The following EIF2B3 variants were observed in gnomAD, a reference collection of about 807,000 sequenced individuals.
EIF2B3 encodes eukaryotic translation initiation factor 2B subunit gamma.
In EIF2B3, 20 loss-of-function variants were observed where a neutral mutation model predicts 54.1. The ratio of observed to expected loss-of-function variants is 0.37; its 90% CI spans 0.26 to 0.54. The LOEUF (loss-of-function observed/expected upper bound fraction) is 0.54. Ranked by LOEUF, EIF2B3 falls within the 20% of genes least tolerant of loss-of-function variation. The pLI, the probability that EIF2B3 is intolerant of heterozygous loss-of-function variation, is 0.86. For missense variants in EIF2B3, 448 were observed against 547.8 expected (o/e 0.82, Z 1.82); for synonymous variants, 153 against 188.1 (o/e 0.81, Z 1.52).
intron 3 of EIF2B3, among the ~76,000 whole-genome samples, chr1:44,955,145 C>T (rs900650756): frequency 3.9e-4 from 59 of 152,120 alleles, no homozygotes; most frequent in African/African-American, 1.3e-3. Flanking sequence ...GTAACCAAAA[C>T]GGCATGGTAC....
intron 3 of EIF2B3, chr1:44,959,095 CT>C: frequency 1.3e-6 from 1 of 770,986 alleles, no homozygotes. Flanking sequence ...CTATGATAGC[CT>C]TAGGCTACGT....
At chr1:44,947,750 C>A (rs114460276) in intron 3 of EIF2B3, among the ~76,000 whole-genome samples, 1,623 of 152,284 alleles carry the variant, frequency 0.011, 33 homozygotes, top group African/African-American at 0.037. Flanking sequence ...CTGCATGCCA[C>A]CCCTGCCCAT....
chr1:44,951,528 C>G (rs1644160519), intron 3 of EIF2B3, among the ~76,000 whole-genome samples: 1 of 152,182 alleles, frequency 6.6e-6, no homozygotes, highest in African/African-American at 2.4e-5. Flanking sequence ...CCTTACTACT[C>G]TCATCCCTTG....
intron 6 of EIF2B3, among the ~76,000 whole-genome samples, chr1:44,895,185 A>G (rs1034647342): frequency 1.3e-5 from 2 of 152,204 alleles, no homozygotes; most frequent in African/African-American, 4.8e-5. Context: ...GAGGCTCTGT[A>G]TCATTCTCTA....
intron 5 of EIF2B3, among the ~76,000 whole-genome samples, chr1:44,912,399 A>T (rs907096408): frequency 6.6e-6 from 1 of 152,030 alleles, no homozygotes; most frequent in South Asian, 2.1e-4. Flanking sequence ...CTGTCAGATT[A>T]TTTTTTTTCA....
intron 4 of EIF2B3, among the ~76,000 whole-genome samples, chr1:44,934,300 A>G (rs992159206): frequency 2.6e-4 from 40 of 152,090 alleles, no homozygotes; most frequent in African/African-American, 8.7e-4. Context: ...CGGGAGGCTG[A>G]GGCAGGAGAA....
intron 3 of EIF2B3, among the ~76,000 whole-genome samples, chr1:44,968,363 T>C (rs1569863511): frequency 8.3e-6 from 1 of 119,826 alleles, no homozygotes; most frequent in Admixed American, 8.3e-5. Context: ...CTCTGCCTCT[T>C]AAAAAAAGGA....
intron 5 of EIF2B3, among the ~76,000 whole-genome samples, chr1:44,915,065 G>A (rs917226556): frequency 1.3e-5 from 2 of 151,460 alleles, no homozygotes; most frequent in Non-Finnish European, 2.9e-5. Flanking sequence ...TTGGGAGGCC[G>A]AGGCAGGTAG....
At chr1:44,856,321 C>T (rs1654433910) in intron 11 of EIF2B3, among the ~76,000 whole-genome samples, 1 of 151,738 alleles carries the variant, frequency 6.6e-6, no homozygotes, top group African/African-American at 2.4e-5. Context: ...TCAAGACCAG[C>T]CTGGGTGACA....
At position 44,857,750 on chromosome 1, in the gene EIF2B3, G is replaced by A. The variant is rs1287965657; in HGVS notation, c.1260C>T (p.Asp420=). 4 of 1,614,146 alleles carry A rather than the reference G, an allele frequency of 2.5e-6. No individual in the cohort carries two copies. Among genetic ancestry groups the A allele is most frequent in the South Asian group, 2.2e-5 (2 of 91,086 alleles). ...CNNAVIEKGA[D]IKDCLIGSGQ... is the part of the protein sequence containing the mutation. ...CACTTCCAATCAAGCAGTCCTTGAT[G>A]TCTGCACCCTTCTCGATCACAGCAT... The change falls in exon 11 of 12, where the codon GAC becomes GAT. Residue 420 remains aspartate, a synonymous_variant. Coordinates refer to ENST00000360403, the MANE Select transcript of EIF2B3 (RefSeq NM_020365.5).
At chr1:44,893,552 A>G (rs2148912611) in intron 6 of EIF2B3, among the ~76,000 whole-genome samples, 1 of 152,332 alleles carries the variant, frequency 6.6e-6, no homozygotes, top group South Asian at 2.1e-4. Context: ...ATCTTCCTCT[A>G]TAATATGAGT....
chr1:44,983,719 T>A (rs551279334), intron 1 of EIF2B3, among the ~76,000 whole-genome samples: 3 of 147,860 alleles, frequency 2.0e-5, no homozygotes, highest in African/African-American at 5.0e-5. Context: ...TAAAAAAAAA[T>A]TTTTTTTTTT....
chr1:44,950,683 GTTTA>G (rs763397928), intron 3 of EIF2B3, among the ~76,000 whole-genome samples: 2 of 151,998 alleles, frequency 1.3e-5, no homozygotes, highest in African/African-American at 2.4e-5. Flanking sequence ...AGTATAAGGT[GTTTA>G]TTTATTTATT....
intron 10 of EIF2B3, chr1:44,874,420 G>T (rs1015081262): frequency 1.0e-5 from 5 of 488,602 alleles, no homozygotes; most frequent in African/African-American, 1.9e-5. Flanking sequence ...TTATCCCATG[G>T]ATTCTTTTTG....
At chr1:44,852,275 C>G (rs1414715751) in intron 11 of EIF2B3, among the ~76,000 whole-genome samples, 1 of 151,794 alleles carries the variant, frequency 6.6e-6, no homozygotes, top group Non-Finnish European at 1.5e-5. Flanking sequence ...TGTTTTATAC[C>G]TTTGAACTTT....
Position 44,941,518 on chromosome 1 carries a change from TCCC to T in EIF2B3, c.439_441del (p.Gly147del). Reference sequence around the variant, plus strand: ...CAATCTTCCTTACCTGCTTTTTTTTTCCCCTTTTGACCGGGAACAGGTTCTATG... The same window carrying T: ...CAATCTTCCTTACCTGCTTTTTTTTTCTTTTGACCGGGAACAGGTTCTATG... On this transcript the variant is annotated inframe_deletion, in exon 4 of 12. Coordinates refer to ENST00000360403, the MANE Select transcript of EIF2B3 (RefSeq NM_020365.5). The T allele has an allele frequency of 6.2e-7, 1 of 1,603,818 alleles. No individual in the cohort carries two copies. Among genetic ancestry groups the T allele is most frequent in the Admixed American group, 1.7e-5 (1 of 57,742 alleles).
intron 3 of EIF2B3, among the ~76,000 whole-genome samples, chr1:44,942,377 TTATATA>T (rs1170326455): frequency 0.03 from 648 of 21,526 alleles, 29 homozygotes; most frequent in Middle Eastern, 0.059. Flanking sequence ...CTTTCTGATT[TTATATA>T]TATATATATA....
At chr1:44,888,035 G>A (rs920409835) in intron 6 of EIF2B3, among the ~76,000 whole-genome samples, 1 of 152,192 alleles carries the variant, frequency 6.6e-6, no homozygotes, top group Non-Finnish European at 1.5e-5. Context: ...CTTTGGATAC[G>A]TAATGGGGAT....
At chr1:44,933,185 G>A (rs1459066704) in intron 4 of EIF2B3, among the ~76,000 whole-genome samples, 1 of 151,882 alleles carries the variant, frequency 6.6e-6, no homozygotes, top group Non-Finnish European at 1.5e-5. Context: ...GAAAAAACAA[G>A]ACAATCTTTA....
Sources: gnomAD v4.1 joint callset for allele counts (sites outside exome capture counted in the v4.1 genomes callset) on GRCh38, gnomAD v4.1.1 for gene constraint, MANE v1.5 for transcripts, NCBI Gene and HGNC (gene_info 2026-07-23, HGNC 2026-07-21) for gene names.